The following RAD18 variants were observed in gnomAD, a reference collection of about 807,000 sequenced individuals.
The protein encoded by RAD18 is RAD18 E3 ubiquitin protein ligase.
RAD18 carries 47 observed loss-of-function variants against 60.4 expected under a neutral mutation model. That is an observed-to-expected ratio of 0.78 (90% CI 0.62 to 0.99). RAD18 has a LOEUF of 0.99. Among genes scored for constraint, RAD18 ranks in the 50% least tolerant of loss-of-function variants. The probability of loss-of-function intolerance (pLI) is 0.00; values close to 1 mark genes in which losing one functional copy is unlikely to be tolerated. For missense variants in RAD18, 640 were observed against 593.3 expected (o/e 1.08, Z -0.82); for synonymous variants, 225 against 195.5 (o/e 1.15, Z -1.26).
chr3:8,896,032 C>A (rs1375108446), intron 11 of RAD18, among the ~76,000 whole-genome samples: 1 of 152,152 alleles, frequency 6.6e-6, no homozygotes, highest in Non-Finnish European at 1.5e-5. Context: ...CCACCCCAAC[C>A]CACACAGTTC....
chr3:8,902,615 G>C, intron 9 of RAD18, 95 bp from the exon 10 acceptor site: 1 of 1,259,330 alleles, frequency 7.9e-7, no homozygotes, highest in Non-Finnish European at 1.1e-6. Flanking sequence ...ACAAGGGATG[G>C]GCATGGTGGC....
chr3:8,945,331 C>T (rs1049090978), intron 4 of RAD18, among the ~76,000 whole-genome samples: 1 of 152,174 alleles, frequency 6.6e-6, no homozygotes, highest in Admixed American at 6.5e-5. Flanking sequence ...TTCCAACATG[C>T]TTTGTTCAAC....
At chr3:8,903,191 T>C (rs1458204698) in intron 9 of RAD18, among the ~76,000 whole-genome samples, 1 of 152,076 alleles carries the variant, frequency 6.6e-6, no homozygotes, top group Admixed American at 6.6e-5. Context: ...CAAATACAAA[T>C]ATGGAAACAT....
intron 7 of RAD18, among the ~76,000 whole-genome samples, chr3:8,925,352 C>T (rs1281201666): frequency 1.3e-5 from 2 of 152,132 alleles, no homozygotes; most frequent in African/African-American, 4.8e-5. Flanking sequence ...ACTCCCAAGA[C>T]TAAACCAGGA....
Position 8,901,756 on chromosome 3 carries a change from T to C in RAD18, c.1168+624A>G, listed in dbSNP as rs951577126. Reference sequence around the variant, plus strand: ...AGTTACACAATATTGTGAATGTACTTAATGCCAATGACTTGTACATTTATG... The same window carrying C: ...AGTTACACAATATTGTGAATGTACTCAATGCCAATGACTTGTACATTTATG... On this transcript the variant is annotated intron_variant, in intron 10 of 12. Transcript: ENST00000264926. Among the ~76,000 whole-genome samples the C allele has an allele frequency of 2.6e-5, 4 of 152,340 alleles. No individual in the cohort carries two copies. In the East Asian group the frequency reaches 7.7e-4, roughly 29 times the overall value.
chr3:8,950,727 G>A (rs764713345), intron 2 of RAD18, among the ~76,000 whole-genome samples: 14 of 152,218 alleles, frequency 9.2e-5, no homozygotes, highest in Admixed American at 7.2e-4. Context: ...TGAAATTATC[G>A]GACCAGCAAT....
intron 7 of RAD18, among the ~76,000 whole-genome samples, chr3:8,926,448 A>G (rs888584360): frequency 6.6e-6 from 1 of 152,252 alleles, no homozygotes; most frequent in Non-Finnish European, 1.5e-5. Flanking sequence ...GCTTATGGGT[A>G]GGAAGAATCA....
intron 7 of RAD18, among the ~76,000 whole-genome samples, chr3:8,921,379 A>G (rs549668862): frequency 6.6e-6 from 1 of 152,336 alleles, no homozygotes; most frequent in South Asian, 2.1e-4. Flanking sequence ...TAATCCAGGC[A>G]CAATGTTCAT....
chr3:8,896,402 G>A (rs1405858672), intron 11 of RAD18, among the ~76,000 whole-genome samples: 1 of 151,500 alleles, frequency 6.6e-6, no homozygotes, highest in East Asian at 2.0e-4. Flanking sequence ...TGGCTTCAGT[G>A]CCTTCTGAGA....
chr3:8,963,433 G>T lies in RAD18; in HGVS notation c.-48C>A, dbSNP rs372250827. On this transcript the variant is annotated 5_prime_UTR_variant, in exon 1 of 13. Transcript: ENST00000264926. The stretch of plus-strand genomic sequence containing the variant: ...GGTCAGCCACCCACTAGCCTCCGGC[G>T]CTCCAACACCACTCGAAATTCCCCG... 2 of 1,500,702 alleles carry T rather than the reference G, an allele frequency of 1.3e-6. No homozygotes were observed. The highest frequency in any genetic ancestry group is 2.8e-5 in the African/African-American group (2 of 71,456). 93.0% of individuals were successfully genotyped at this position (1,500,702 alleles called of 1,614,324 possible). A position where few individuals can be genotyped will look rare whatever the true frequency, so the allele number is the denominator to read the frequency against.
Position 8,948,548 on chromosome 3 carries a change from T to G in RAD18, c.156A>C (p.Lys52Asn). The G allele has an allele frequency of 6.2e-7, 1 of 1,612,836 alleles. No homozygotes were observed. Among genetic ancestry groups the G allele is most frequent in the Non-Finnish European group, 8.5e-7 (1 of 1,179,190 alleles). ...GACACTGAGTTTTATAGGACAGAAA[T>G]TTTCTTATACAGAGAGAGCAGTCTG... ...SHNYCSLCIRKFLSYKTQCPT... is the reference protein window; with the variant it reads ...SHNYCSLCIRNFLSYKTQCPT... Residue 52 changes from lysine to asparagine, a missense_variant, in exon 3 of 13, where the codon AAA (lysine) becomes AAC (asparagine). Lys to Asn is a moderately conservative substitution (Grantham distance 94, BLOSUM62 0). Coordinates refer to ENST00000264926, the MANE Select transcript of RAD18 (RefSeq NM_020165.4).
At chr3:8,929,428 G>A (rs1008985446) in intron 7 of RAD18, among the ~76,000 whole-genome samples, 4 of 151,872 alleles carry the variant, frequency 2.6e-5, no homozygotes, top group African/African-American at 9.7e-5. Context: ...GATATTAAAA[G>A]GTTAACAAGA....
intron 9 of RAD18, among the ~76,000 whole-genome samples, chr3:8,906,767 T>C (rs1940008971): frequency 6.8e-6 from 1 of 147,590 alleles, no homozygotes; most frequent in Non-Finnish European, 1.5e-5. Flanking sequence ...GAAATCTCTA[T>C]TTCTATTTTT....
At chr3:8,888,625 G>T (rs991987601) in intron 12 of RAD18, among the ~76,000 whole-genome samples, 8 of 152,210 alleles carry the variant, frequency 5.3e-5, no homozygotes, top group Admixed American at 1.3e-4. Flanking sequence ...TCCTTAGAAG[G>T]AACTGCGGCT....
intron 6 of RAD18, among the ~76,000 whole-genome samples, chr3:8,938,152 A>G (rs1940685044): frequency 6.6e-6 from 1 of 152,186 alleles, no homozygotes; most frequent in Admixed American, 6.5e-5. Context: ...ATTTACTCCA[A>G]ATCACCACTA....
chr3:8,930,374 G>A (rs1445166515), intron 7 of RAD18, among the ~76,000 whole-genome samples: 2 of 152,188 alleles, frequency 1.3e-5, no homozygotes, highest in African/African-American at 4.8e-5. Flanking sequence ...TATAGAGACA[G>A]AAGTAAATTA....
chr3:8,899,372 GAACACTGACA>G (rs1184903875), intron 10 of RAD18, among the ~76,000 whole-genome samples: 5 of 152,176 alleles, frequency 3.3e-5, no homozygotes, highest in Non-Finnish European at 5.9e-5. Flanking sequence ...ATAGATCAGA[GAACACTGACA>G]AACCAACATA....
chr3:8,912,428 A>C, intron 8 of RAD18, 56 bp from the exon 9 acceptor site: 1 of 1,209,886 alleles, frequency 8.3e-7, no homozygotes, highest in Non-Finnish European at 1.2e-6. Flanking sequence ...ACAAAAAGGG[A>C]AATATTACAA....
intron 7 of RAD18, among the ~76,000 whole-genome samples, chr3:8,933,021 G>A (rs986535329): frequency 6.6e-6 from 1 of 152,006 alleles, no homozygotes; most frequent in Non-Finnish European, 1.5e-5. Flanking sequence ...GCTTCAACCT[G>A]GGAGACGGAG....
Sources: gnomAD v4.1 joint callset for allele counts (sites outside exome capture counted in the v4.1 genomes callset) on GRCh38, gnomAD v4.1.1 for gene constraint, MANE v1.5 for transcripts, NCBI Gene and HGNC (gene_info 2026-07-23, HGNC 2026-07-21) for gene names.